Variants in SYNPR observed in about 807,000 individuals in gnomAD.
SYNPR encodes the protein synaptoporin.
A neutral mutation model predicts 32.9 loss-of-function variants in SYNPR; 23 were observed. The observed-to-expected ratio is 0.70, with a 90% confidence interval of 0.50 to 0.99. The LOEUF (loss-of-function observed/expected upper bound fraction) is 0.99, where lower values mean the gene tolerates loss of function less well. Among genes scored for constraint, SYNPR ranks in the 50% least tolerant of loss-of-function variants. SYNPR has a pLI of 0.00. For synonymous variants in SYNPR, 146 were observed against 135.9 expected, an observed-to-expected ratio of 1.07 and a Z score of -0.52; for missense variants, 318 against 349.3, an observed-to-expected ratio of 0.91 and a Z score of 0.71.
chr3:63,369,619 C>T (rs77095741), intron 2 of SYNPR, among the ~76,000 whole-genome samples: 1,748 of 152,284 alleles, frequency 0.011, 29 homozygotes, highest in African/African-American at 0.039. Context: ...GTTCAAGCTT[C>T]GTAAGATGGA....
chr3:63,357,375 T>C (rs1158303547), intron 2 of SYNPR, among the ~76,000 whole-genome samples: 1 of 152,192 alleles, frequency 6.6e-6, no homozygotes, highest in Non-Finnish European at 1.5e-5. Flanking sequence ...GTCCTGACAT[T>C]CGAATGGTTT....
At chr3:63,259,927 A>G (rs948633332) in intron 2 of SYNPR, among the ~76,000 whole-genome samples, 3 of 152,088 alleles carry the variant, frequency 2.0e-5, no homozygotes, top group Non-Finnish European at 2.9e-5. Context: ...TTATACACCA[A>G]TAACAGACAG....
intron 3 of SYNPR, among the ~76,000 whole-genome samples, chr3:63,544,620 A>G (rs1288163352): frequency 3.9e-5 from 6 of 152,088 alleles, no homozygotes. Flanking sequence ...ATAACAGAAA[A>G]TGACCAAATA....
intron 2 of SYNPR, among the ~76,000 whole-genome samples, chr3:63,472,121 AG>A (rs1300950313): frequency 1.4e-4 from 22 of 152,212 alleles, no homozygotes; most frequent in African/African-American, 5.1e-4. Context: ...TGCTTCATGT[AG>A]CCCTCATCTG....
chr3:63,495,214 CTG>C (rs1701349687), intron 3 of SYNPR, among the ~76,000 whole-genome samples: 1 of 152,134 alleles, frequency 6.6e-6, no homozygotes, highest in African/African-American at 2.4e-5. Flanking sequence ...CACTTAGAGA[CTG>C]TTAAGGAGTC....
chr3:63,527,047 C>T (rs936780112), intron 3 of SYNPR, among the ~76,000 whole-genome samples: 1 of 152,026 alleles, frequency 6.6e-6, no homozygotes, highest in South Asian at 2.1e-4. Flanking sequence ...GGAAATCCTT[C>T]CAAGAAGAGA....
intron 2 of SYNPR, among the ~76,000 whole-genome samples, chr3:63,399,024 C>T (rs2088255744): frequency 6.6e-6 from 1 of 152,194 alleles, no homozygotes; most frequent in Admixed American, 6.5e-5. Flanking sequence ...GATAGAGACT[C>T]AGGCTTAAAA....
chr3:63,393,491 C>CTTTTTTTTTTTTTTTTTTTTTTTTTTT (rs1482584312), intron 2 of SYNPR, among the ~76,000 whole-genome samples: 2 of 116,624 alleles, frequency 1.7e-5, no homozygotes, highest in African/African-American at 3.8e-5. Flanking sequence ...TTCTTTCTTT[C>CTTTTTTTTTTTTTTTTTTTTTTTTTTT]TTCTCTTTTT....
In SYNPR at chr3:63,424,486, T is replaced by C. The variant is rs1312960239; in HGVS notation, c.85-56346T>C. On this transcript the variant is annotated intron_variant, in intron 2 of 5. Coordinates refer to ENST00000478300, the MANE Select transcript of SYNPR (RefSeq NM_001130003.2). ...CTTGGAGAATGATTGAGACATTAAA[T>C]AGGAATGCATAAAGCATTTAGCACA... Among the ~76,000 whole-genome samples the C allele has an allele frequency of 3.9e-5, 6 of 152,192 alleles. No individual in the cohort carries two copies. The East Asian group carries it at 5.8e-4, about 15-fold the overall frequency.
At chr3:63,359,512 T>C (rs2087629244) in intron 2 of SYNPR, among the ~76,000 whole-genome samples, 1 of 152,200 alleles carries the variant, frequency 6.6e-6, no homozygotes, top group Admixed American at 6.5e-5. Context: ...AAATTTAAGG[T>C]TGGCAACTGC....
At chr3:63,257,099 G>A (rs1166437181) in intron 2 of SYNPR, among the ~76,000 whole-genome samples, 1 of 152,198 alleles carries the variant, frequency 6.6e-6, no homozygotes, top group Non-Finnish European at 1.5e-5. Flanking sequence ...TCTGATTGGT[G>A]TACCTGAAAG....
chr3:63,454,546 T>C (rs1700443392), intron 2 of SYNPR, among the ~76,000 whole-genome samples: 1 of 152,094 alleles, frequency 6.6e-6, no homozygotes, highest in South Asian at 2.1e-4. Context: ...AGTTTTCCAT[T>C]AAGGGAGAGA....
chr3:63,205,805 C>T, the SYNPR span, among the ~76,000 whole-genome samples: 4 of 152,168 alleles, frequency 2.6e-5, no homozygotes, highest in Non-Finnish European at 5.9e-5. Context: ...GTATTACTTG[C>T]CTCAGTTAGA....
intron 2 of SYNPR, among the ~76,000 whole-genome samples, chr3:63,412,744 T>C (rs1056227039): frequency 6.6e-6 from 1 of 152,120 alleles, no homozygotes; most frequent in African/African-American, 2.4e-5. Flanking sequence ...TGAGCAGTAT[T>C]AAAAGATAAG....
intron 2 of SYNPR, among the ~76,000 whole-genome samples, chr3:63,444,802 T>A (rs534076514): frequency 6.6e-6 from 1 of 152,192 alleles, no homozygotes; most frequent in African/African-American, 2.4e-5. Context: ...TTTTGATCAA[T>A]CTAACTCAGC....
chr3:63,474,799 C>T (rs1700868661), intron 2 of SYNPR, among the ~76,000 whole-genome samples: 1 of 152,064 alleles, frequency 6.6e-6, no homozygotes, highest in East Asian at 1.9e-4. Flanking sequence ...AGTCTCCTGA[C>T]TCTTGTTTCT....
intron 3 of SYNPR, among the ~76,000 whole-genome samples, chr3:63,526,967 T>C (rs1441647416): frequency 6.6e-6 from 1 of 152,032 alleles, no homozygotes; most frequent in East Asian, 1.9e-4. Flanking sequence ...ACCACGATAG[T>C]AGAAATCAAA....
At chr3:63,204,775 C>T in the SYNPR span, among the ~76,000 whole-genome samples, 1 of 152,092 alleles carries the variant, frequency 6.6e-6, no homozygotes, top group African/African-American at 2.4e-5. Flanking sequence ...CCTCCACCTC[C>T]TAGGTTCAAC....
At chr3:63,558,161 C>T (rs1042540314) in intron 4 of SYNPR, among the ~76,000 whole-genome samples, 1 of 152,176 alleles carries the variant, frequency 6.6e-6, no homozygotes, top group African/African-American at 2.4e-5. Context: ...ACAAGGCCCT[C>T]ACCACAAGCC....
Sources: gnomAD v4.1 joint callset for allele counts (sites outside exome capture counted in the v4.1 genomes callset) on GRCh38, gnomAD v4.1.1 for gene constraint, MANE v1.5 for transcripts, NCBI Gene and HGNC (gene_info 2026-07-23, HGNC 2026-07-21) for gene names.